Variants in DCC observed in about 807,000 individuals in gnomAD.
DCC encodes the protein netrin receptor DCC.
A neutral mutation model predicts 172.5 loss-of-function variants in DCC; 58 were observed. The observed-to-expected ratio is 0.34, with a 90% CI of 0.27 to 0.42. The LOEUF is 0.42. Ranked by LOEUF, DCC falls within the 10% of genes least tolerant of loss-of-function variation. The pLI is 1.00. For synonymous variants in DCC, 709 were observed against 644.5 expected (o/e 1.10, Z -1.52); for missense variants, 1,740 against 1,791.0 (o/e 0.97, Z 0.51).
In DCC at chr18:53,410,644, A is replaced by G. The variant is rs758117845; in HGVS notation, c.3128A>G (p.Lys1043Arg). 1 of 1,568,296 alleles carries G rather than the reference A, an allele frequency of 6.4e-7. No individual in the cohort carries two copies. The highest frequency in any genetic ancestry group is 2.2e-5 in the East Asian group (1 of 44,746). Reference sequence around the variant, plus strand: ...GATCCTATCCTCTTCAGGACTCTGAAAGGTTTGAATAATTTCCTATTATGC... The same window carrying G: ...GATCCTATCCTCTTCAGGACTCTGAGAGGTTTGAATAATTTCCTATTATGC... ...LSDPILFRTL[K>R]VEHPDKMAND... Residue 1043 changes from lysine to arginine, a missense_variant and splice_region_variant, in exon 20 of 29, where the codon AAA becomes AGA. Lys to Arg is a conservative substitution (Grantham distance 26, BLOSUM62 2). Around this residue, in one of 2 missense-constraint regions of DCC, gnomAD observed 1,732 missense variants for 1,767.4 expected, o/e 0.98. Transcript: ENST00000442544.
chr18:52,961,433 T>C (rs1462336840), intron 5 of DCC, among the ~76,000 whole-genome samples: 1 of 152,140 alleles, frequency 6.6e-6, no homozygotes, highest in Non-Finnish European at 1.5e-5. Context: ...ATATGAAAAG[T>C]TCAGTGCTAC....
chr18:52,528,358 T>C (rs1327961615), intron 1 of DCC, among the ~76,000 whole-genome samples: 1 of 152,170 alleles, frequency 6.6e-6, no homozygotes, highest in African/African-American at 2.4e-5. Flanking sequence ...GAACAGAAAT[T>C]CACTCAGTTG....
chr18:52,490,917 A>G (rs934477315), intron 1 of DCC, among the ~76,000 whole-genome samples: 2 of 152,106 alleles, frequency 1.3e-5, no homozygotes, highest in African/African-American at 4.8e-5. Context: ...CACGATGTTC[A>G]GGAGCTGTAT....
At chr18:53,104,933 A>G (rs1216775906) in intron 7 of DCC, among the ~76,000 whole-genome samples, 1 of 152,102 alleles carries the variant, frequency 6.6e-6, no homozygotes, top group African/African-American at 2.4e-5. Context: ...CAAAATGAAT[A>G]CACCACATGG....
intron 5 of DCC, among the ~76,000 whole-genome samples, chr18:52,957,792 G>A (rs1209195226): frequency 1.3e-5 from 2 of 152,110 alleles, no homozygotes; most frequent in African/African-American, 4.8e-5. Context: ...GGATGTGAGA[G>A]TGGTAAATGA....
At chr18:53,306,412 G>A (rs1391370027) in intron 13 of DCC, among the ~76,000 whole-genome samples, 1 of 152,222 alleles carries the variant, frequency 6.6e-6, no homozygotes, top group Non-Finnish European at 1.5e-5. Context: ...ACAAGAAGGA[G>A]AGAACAAGGA....
chr18:53,380,596 G>A (rs1263519313), intron 15 of DCC, among the ~76,000 whole-genome samples: 1 of 152,124 alleles, frequency 6.6e-6, no homozygotes, highest in African/African-American at 2.4e-5. Context: ...AGATGTTTAT[G>A]AGCAGTTAAA....
intron 2 of DCC, among the ~76,000 whole-genome samples, chr18:52,777,155 C>T (rs528775534): frequency 6.6e-6 from 1 of 152,296 alleles, no homozygotes; most frequent in Admixed American, 6.5e-5. Context: ...ACATCTGCCT[C>T]GCTAGTCTCA....
intron 5 of DCC, among the ~76,000 whole-genome samples, chr18:52,958,764 A>C (rs1021005711): frequency 1.3e-5 from 2 of 151,936 alleles, no homozygotes; most frequent in African/African-American, 4.8e-5. Context: ...TTGAAGGAGG[A>C]GAGACATGTT....
In DCC at chr18:53,149,801, G is replaced by A. The variant is rs184971252; in HGVS notation, c.1262-7555G>A. Among the ~76,000 whole-genome samples the A allele has an allele frequency of 2.5e-3, 378 of 152,202 alleles. 5 individuals carry two copies. Among genetic ancestry groups the A allele is most frequent in the Non-Finnish European group, 8.2e-4 (56 of 68,008 alleles). ...CGTTGCTGAGATGAAAATACTTCCC[G>A]AAATTAGTTTCTCAGTTTATCTCTT... On this transcript the variant is annotated intron_variant, in intron 7 of 28. Transcript: ENST00000442544.
At chr18:53,054,266 A>G (rs2042373007) in intron 5 of DCC, among the ~76,000 whole-genome samples, 1 of 146,730 alleles carries the variant, frequency 6.8e-6, no homozygotes, top group Admixed American at 6.8e-5. Context: ...TAGAACCCAC[A>G]GATATATATG....
chr18:52,926,800 CAT>C (rs1456874647), intron 5 of DCC, among the ~76,000 whole-genome samples: 2 of 146,034 alleles, frequency 1.4e-5, no homozygotes, highest in African/African-American at 5.0e-5. Context: ...TACACACACA[CAT>C]ATACATATGT....
chr18:53,108,024 A>C lies in DCC; in HGVS notation c.1261+41858A>C, dbSNP rs144332045. Among the ~76,000 whole-genome samples, 9 of 151,964 alleles carry C rather than the reference A, an allele frequency of 5.9e-5. No homozygotes were observed. In the East Asian group the frequency reaches 1.2e-3, roughly 20 times the overall value. On this transcript the variant is annotated intron_variant, in intron 7 of 28. Transcript: ENST00000442544. The stretch of plus-strand genomic sequence containing the variant: ...GCAATGCATCCGAGAAAAATAAATT[A>C]ACTTTAATCCAAGAGTAAAACTCAA...
intron 2 of DCC, among the ~76,000 whole-genome samples, chr18:52,853,001 C>T (rs143575623): frequency 1.1e-3 from 169 of 152,100 alleles, no homozygotes; most frequent in African/African-American, 4.0e-3. Context: ...TGACATAATC[C>T]ATTCATTTTC....
chr18:53,092,987 T>G (rs1038550842), intron 7 of DCC, among the ~76,000 whole-genome samples: 4 of 147,910 alleles, frequency 2.7e-5, no homozygotes, highest in Non-Finnish European at 6.0e-5. Flanking sequence ...TAAAAAAAAG[T>G]GGGCCAGGTG....
intron 2 of DCC, among the ~76,000 whole-genome samples, chr18:52,868,152 G>T: frequency 6.7e-6 from 1 of 150,086 alleles, no homozygotes. Flanking sequence ...TTTTAATTTA[G>T]GCTTCTTTTT....
rs116985824 is a variant in DCC, at chr18:53,321,811, T to C, written c.2054-236T>C. Among the ~76,000 whole-genome samples the C allele has an allele frequency of 7.7e-3, 1,176 of 152,354 alleles. 5 individuals are homozygous for C. Among genetic ancestry groups the C allele is most frequent in the Non-Finnish European group, 0.013 (910 of 68,026 alleles). ...ATTCTGCATCTGCCCTGAGGCTATT[T>C]ACATGGACACATTTTTATAAACTGG... On this transcript the variant is annotated intron_variant, in intron 13 of 28. Transcript: ENST00000442544.
At chr18:52,491,636 G>T (rs1328902623) in intron 1 of DCC, among the ~76,000 whole-genome samples, 1 of 152,148 alleles carries the variant, frequency 6.6e-6, no homozygotes, top group Non-Finnish European at 1.5e-5. Context: ...GTAGTGGCCA[G>T]AATTTTGGTG....
chr18:53,177,136 A>C (rs2055111697), intron 8 of DCC, among the ~76,000 whole-genome samples: 1 of 150,412 alleles, frequency 6.6e-6, no homozygotes, highest in African/African-American at 2.4e-5. Flanking sequence ...CAATGAGATC[A>C]CATGGACACA....
Sources: allele counts gnomAD v4.1 joint callset (sites outside exome capture counted in the v4.1 genomes callset), GRCh38; gene constraint gnomAD v4.1.1; regional missense constraint gnomAD v4.1.1; transcripts MANE v1.5; gene names NCBI Gene and HGNC (gene_info 2026-07-23, HGNC 2026-07-21).